The following TSPAN8 variants were observed in gnomAD, a reference collection of about 807,000 sequenced individuals.
The protein encoded by TSPAN8 is tetraspanin-8.
In TSPAN8, 21 loss-of-function variants were observed where a neutral mutation model predicts 32.8. The ratio of observed to expected loss-of-function variants is 0.64; its 90% confidence interval spans 0.45 to 0.92. The LOEUF (loss-of-function observed/expected upper bound fraction) is 0.92, where lower values mean the gene tolerates loss of function less well. Among genes scored for constraint, TSPAN8 ranks in the 40% least tolerant of loss-of-function variants. The pLI, the probability that TSPAN8 is intolerant of heterozygous loss-of-function variation, is 0.00. For synonymous variants in TSPAN8, 95 were observed against 94.6 expected, an observed-to-expected ratio of 1.00 and a Z score of -0.03; for missense variants, 269 against 281.9, an observed-to-expected ratio of 0.95 and a Z score of 0.33.
chr12:71,156,265 A>AC (rs1406516893), intron 2 of TSPAN8, among the ~76,000 whole-genome samples: 11 of 63,580 alleles, frequency 1.7e-4, no homozygotes, highest in Non-Finnish European at 3.3e-4. Flanking sequence ...AAAAAAAAAA[A>AC]AAACAAACAA....
chr12:71,149,369 CAA>C (rs35841431), intron 2 of TSPAN8, among the ~76,000 whole-genome samples: 60 of 91,514 alleles, frequency 6.6e-4, no homozygotes, highest in African/African-American at 8.3e-4. Context: ...ACTCTTGTCT[CAA>C]AAAAAAAAAA....
chr12:71,137,801 T>C (rs1318531321), intron 6 of TSPAN8, 152 bp downstream of exon 6: 8 of 659,392 alleles, frequency 1.2e-5, no homozygotes, highest in East Asian at 8.4e-5. Flanking sequence ...ATTACAAATA[T>C]CTTAGATTTT....
At chr12:71,150,495 A>G (rs1398406929) in intron 2 of TSPAN8, among the ~76,000 whole-genome samples, 1 of 145,378 alleles carries the variant, frequency 6.9e-6, no homozygotes, top group Admixed American at 6.8e-5. Flanking sequence ...TCAGGTGGGC[A>G]TCACGGTCCT....
At chr12:71,139,416 C>T in intron 4 of TSPAN8, 1 of 536,718 alleles carries the variant, frequency 1.9e-6, no homozygotes, top group Non-Finnish European at 3.3e-6. Context: ...TTCTAAAGGT[C>T]TTATGTATTA....
intron 6 of TSPAN8, among the ~76,000 whole-genome samples, chr12:71,137,473 G>T (rs1871738743): frequency 6.6e-6 from 1 of 151,964 alleles, no homozygotes. Context: ...GGTGGCGCAT[G>T]TCTGTAGTCT....
chr12:71,143,575 T>G (rs550935967), intron 3 of TSPAN8, among the ~76,000 whole-genome samples: 1 of 152,314 alleles, frequency 6.6e-6, no homozygotes, highest in South Asian at 2.1e-4. Context: ...AGAGAATTAC[T>G]GAGTTTCACC....
chr12:71,140,601 GA>G (rs915331236), intron 3 of TSPAN8, among the ~76,000 whole-genome samples: 23 of 151,944 alleles, frequency 1.5e-4, no homozygotes, highest in Non-Finnish European at 2.5e-4. Flanking sequence ...GATATGAAGG[GA>G]AAAAAAATCC....
rs1051334 is a variant in TSPAN8 at position 71,129,354 on chromosome 12, A to C, written c.637T>G (p.Ser213Ala). 0.38 allele frequency: 590,121 copies of C among 1,572,296 alleles called. 115,695 individuals are homozygous for C. Among genetic ancestry groups the C allele is most frequent in the Non-Finnish European group, 0.41 (468,821 of 1,155,362 alleles). ...AKNLIIVIGI[S>A]FGLAVIEILG... is the part of the protein sequence containing the mutation. The stretch of plus-strand genomic sequence containing the variant: ...ACCTCAATAACTGCCAGTCCAAATG[A>C]TATTCCAATAACTATAATCAAATTT... The change falls in exon 8 of 9, where the codon TCA becomes GCA. Residue 213 changes from serine (S) to alanine (A), a missense_variant. By Grantham distance (99) the Ser-to-Ala change is moderately conservative. Coordinates refer to ENST00000247829, the MANE Select transcript of TSPAN8 (RefSeq NM_004616.3).
chr12:71,125,620 C>A (rs1871326965), intron 8 of TSPAN8, among the ~76,000 whole-genome samples: 1 of 152,068 alleles, frequency 6.6e-6, no homozygotes, highest in African/African-American at 2.4e-5. Flanking sequence ...GCCAATCAGC[C>A]TCTATCTAAC....
intron 2 of TSPAN8, among the ~76,000 whole-genome samples, chr12:71,156,072 A>G (rs150602223): frequency 6.6e-6 from 1 of 152,112 alleles, no homozygotes; most frequent in African/African-American, 2.4e-5. Flanking sequence ...TCAGAGATAT[A>G]TACTAAAATG....
At position 71,150,093 on chromosome 12, in the gene TSPAN8, C is replaced by T. The variant is rs192223591; in HGVS notation, c.61-5880G>A. On this transcript the variant is annotated intron_variant, in intron 2 of 8. Transcript: ENST00000247829. ...TGTGGTTGAGATAAGGACTGAAATA[C>T]GCCCTGGTCTCCTGCAGTACCCTCA... 4.0e-3 allele frequency among the ~76,000 whole-genome samples: 616 copies of T among 152,244 alleles called. 2 individuals carry two copies. Among genetic ancestry groups the T allele is most frequent in the Non-Finnish European group, 6.0e-3 (409 of 68,014 alleles).
intron 2 of TSPAN8, among the ~76,000 whole-genome samples, chr12:71,156,319 T>C (rs1324488146): frequency 6.8e-6 from 1 of 147,406 alleles, no homozygotes; most frequent in Non-Finnish European, 1.5e-5. Context: ...TACAGGTCTT[T>C]CTTTTTTTGT....
intron 6 of TSPAN8, among the ~76,000 whole-genome samples, chr12:71,133,745 G>A (rs1009668202): frequency 6.6e-6 from 1 of 152,150 alleles, no homozygotes; most frequent in Non-Finnish European, 1.5e-5. Context: ...AAGAGGGTTT[G>A]CAGCCACATT....
At chr12:71,140,476 C>T (rs74827548) in intron 3 of TSPAN8, among the ~76,000 whole-genome samples, 4,220 of 152,230 alleles carry the variant, frequency 0.028, 102 homozygotes, top group Middle Eastern at 0.041. Flanking sequence ...TGCTTTGTAT[C>T]CTCATTAAAA....
chr12:71,136,310 T>C (rs527538613), intron 6 of TSPAN8, among the ~76,000 whole-genome samples: 195 of 152,286 alleles, frequency 1.3e-3, no homozygotes, highest in African/African-American at 4.6e-3. Flanking sequence ...AGAAATAACA[T>C]ACTAATCATC....
intron 2 of TSPAN8, among the ~76,000 whole-genome samples, chr12:71,148,291 T>C (rs1369423202): frequency 2.0e-5 from 3 of 152,202 alleles, no homozygotes; most frequent in African/African-American, 4.8e-5. Flanking sequence ...TATTCATTTG[T>C]GAAAGGCTCT....
intron 2 of TSPAN8, among the ~76,000 whole-genome samples, chr12:71,151,257 G>A (rs4760789): frequency 0.35 from 52,859 of 151,650 alleles, 9,769 homozygotes; most frequent in Non-Finnish European, 0.4. Context: ...TAGAGATGGG[G>A]TTTCACCGTG....
At chr12:71,141,809 G>T (rs1871910621) in intron 3 of TSPAN8, among the ~76,000 whole-genome samples, 1 of 152,192 alleles carries the variant, frequency 6.6e-6, no homozygotes, top group African/African-American at 2.4e-5. Flanking sequence ...TGAACACTGT[G>T]TCCCTGTGTG....
At chr12:71,153,512 G>C (rs1233549124) in intron 2 of TSPAN8, among the ~76,000 whole-genome samples, 1 of 152,132 alleles carries the variant, frequency 6.6e-6, no homozygotes, top group African/African-American at 2.4e-5. Context: ...TTTAACATCG[G>C]CTCTACTTTG....
Sources: gnomAD v4.1 joint callset for allele counts (sites outside exome capture counted in the v4.1 genomes callset) on GRCh38, gnomAD v4.1.1 for gene constraint, MANE v1.5 for transcripts, NCBI Gene and HGNC (gene_info 2026-07-23, HGNC 2026-07-21) for gene names.